Variants in MACROD2 observed in about 807,000 individuals in gnomAD.
The protein encoded by MACROD2 is mono-ADP ribosylhydrolase 2, also known as ADP-ribose glycohydrolase MACROD2.
Under a neutral mutation model 70.4 loss-of-function variants are expected in MACROD2, and 36 were observed. The ratio of observed to expected loss-of-function variants is 0.51; its 90% CI spans 0.39 to 0.68. The LOEUF is 0.68. MACROD2 is among the 30% of genes least tolerant of loss of function. MACROD2 has a pLI of 0.00. For synonymous variants in MACROD2, 172 were observed against 178.8 expected (o/e 0.96, Z 0.30); for missense variants, 496 against 538.4 (o/e 0.92, Z 0.78).
At chr20:15,992,896 ACTCT>A (rs1568692594) in intron 15 of MACROD2, among the ~76,000 whole-genome samples, 1 of 152,194 alleles carries the variant, frequency 6.6e-6, no homozygotes, top group Non-Finnish European at 1.5e-5. Context: ...CTACAACTCA[ACTCT>A]CTGTGCATAA....
intron 5 of MACROD2, among the ~76,000 whole-genome samples, chr20:14,689,938 GA>G (rs1276488546): frequency 2.0e-5 from 3 of 152,052 alleles, no homozygotes; most frequent in Non-Finnish European, 4.4e-5. Context: ...GAATATAAAG[GA>G]AAAATTATGC....
At chr20:15,432,882 G>A (rs556300679) in intron 7 of MACROD2, among the ~76,000 whole-genome samples, 22 of 152,042 alleles carry the variant, frequency 1.4e-4, no homozygotes, top group African/African-American at 5.3e-4. Context: ...TATACTATAA[G>A]TAGGGGGGTG....
At chr20:14,746,581 C>T (rs2071802803) in intron 5 of MACROD2, among the ~76,000 whole-genome samples, 1 of 152,122 alleles carries the variant, frequency 6.6e-6, no homozygotes, top group Non-Finnish European at 1.5e-5. Context: ...ATCACCCACG[C>T]ATTTCATTCT....
chr20:15,427,347 C>G (rs1399760845), intron 6 of MACROD2, among the ~76,000 whole-genome samples: 1 of 152,140 alleles, frequency 6.6e-6, no homozygotes, highest in East Asian at 1.9e-4. Flanking sequence ...GAACTGAGAG[C>G]TAAGGCAAAT....
intron 4 of MACROD2, among the ~76,000 whole-genome samples, chr20:14,576,681 A>T (rs1980620812): frequency 6.6e-6 from 1 of 152,198 alleles, no homozygotes; most frequent in African/African-American, 2.4e-5. Flanking sequence ...CTGTTTGCAA[A>T]CACTGTTATA....
intron 5 of MACROD2, chr20:15,197,047 CA>C (rs2076612240): frequency 3.7e-5 from 36 of 984,964 alleles, no homozygotes; most frequent in Non-Finnish European, 4.1e-5. Context: ...GTATTTTGCT[CA>C]CTCTTATAAG....
chr20:14,668,915 T>C (rs2070765743), intron 4 of MACROD2, among the ~76,000 whole-genome samples: 1 of 152,108 alleles, frequency 6.6e-6, no homozygotes, highest in Non-Finnish European at 1.5e-5. Flanking sequence ...TTTTTTCCTG[T>C]AAAAAACAGA....
chr20:15,254,769 A>G (rs912222335), intron 6 of MACROD2, among the ~76,000 whole-genome samples: 1 of 152,132 alleles, frequency 6.6e-6, no homozygotes, highest in Non-Finnish European at 1.5e-5. Context: ...ACAGAGAATC[A>G]GAGCAGTTAA....
intron 6 of MACROD2, among the ~76,000 whole-genome samples, chr20:15,317,635 C>G (rs1300146516): frequency 1.3e-5 from 2 of 151,836 alleles, no homozygotes; most frequent in Non-Finnish European, 2.9e-5. Flanking sequence ...AATATAAGTT[C>G]CAGTCCAATG....
chr20:14,841,715 A>G (rs781696740), intron 5 of MACROD2, among the ~76,000 whole-genome samples: 26 of 152,152 alleles, frequency 1.7e-4, no homozygotes, highest in Non-Finnish European at 3.5e-4. Flanking sequence ...TGACATTATT[A>G]TAAGTAAACT....
intron 4 of MACROD2, among the ~76,000 whole-genome samples, chr20:14,625,117 G>A (rs1984062145): frequency 6.6e-6 from 1 of 151,930 alleles, no homozygotes; most frequent in African/African-American, 2.4e-5. Context: ...ATCCCCTGAG[G>A]TCAGGAGTTT....
intron 8 of MACROD2, among the ~76,000 whole-genome samples, chr20:15,818,533 G>T (rs750345223): frequency 6.6e-6 from 1 of 152,124 alleles, no homozygotes; most frequent in African/African-American, 2.4e-5. Context: ...CTGCCACCTT[G>T]GTTTTGGCTG....
intron 10 of MACROD2, among the ~76,000 whole-genome samples, chr20:15,895,113 A>G (rs2064950926): frequency 6.6e-6 from 1 of 152,222 alleles, no homozygotes; most frequent in Non-Finnish European, 1.5e-5. Context: ...ACAGCTATTA[A>G]GCTGTAGCAG....
At chr20:14,376,468 A>T (rs1476384573) in intron 3 of MACROD2, among the ~76,000 whole-genome samples, 2 of 152,100 alleles carry the variant, frequency 1.3e-5, no homozygotes, top group Non-Finnish European at 2.9e-5. Context: ...CCCTGTGGGG[A>T]TGGGTGTAGT....
intron 8 of MACROD2, among the ~76,000 whole-genome samples, chr20:15,686,381 T>C (rs2050224982): frequency 6.6e-6 from 1 of 152,118 alleles, no homozygotes; most frequent in Admixed American, 6.6e-5. Flanking sequence ...TGAAAATCAC[T>C]TTAGAAAACA....
At chr20:14,861,652 A>G (rs925280535) in intron 5 of MACROD2, among the ~76,000 whole-genome samples, 1 of 151,754 alleles carries the variant, frequency 6.6e-6, no homozygotes, top group Non-Finnish European at 1.5e-5. Flanking sequence ...AAACCCCACA[A>G]ACAGCCTCTG....
chr20:15,038,252 A>G (rs1194997100), intron 5 of MACROD2, among the ~76,000 whole-genome samples: 1 of 152,206 alleles, frequency 6.6e-6, no homozygotes, highest in Non-Finnish European at 1.5e-5. Context: ...CTGCATTTAT[A>G]TCTCTGGATA....
At chr20:15,792,580 T>G (rs946893468) in intron 8 of MACROD2, among the ~76,000 whole-genome samples, 1 of 152,106 alleles carries the variant, frequency 6.6e-6, no homozygotes, top group Admixed American at 6.6e-5. Context: ...GCCTTCCTAA[T>G]TAAAGAAAGG....
intron 8 of MACROD2, among the ~76,000 whole-genome samples, chr20:15,859,952 G>A (rs534973627): frequency 3.3e-5 from 5 of 152,120 alleles, no homozygotes; most frequent in African/African-American, 9.6e-5. Context: ...TGGCTAACAC[G>A]GTGAAACCCT....
Sources: gnomAD v4.1 joint callset for allele counts (sites outside exome capture counted in the v4.1 genomes callset) on GRCh38, gnomAD v4.1.1 for gene constraint, MANE v1.5 for transcripts, NCBI Gene and HGNC (gene_info 2026-07-23, HGNC 2026-07-21) for gene names.